The following ARFGEF3 variants were observed in gnomAD, a reference collection of about 807,000 sequenced individuals.
The protein encoded by ARFGEF3 is ARFGEF family member 3.
A neutral mutation model predicts 221.7 loss-of-function variants in ARFGEF3; 96 were observed. The ratio of observed to expected loss-of-function variants is 0.43; its 90% CI spans 0.37 to 0.51. The LOEUF (loss-of-function observed/expected upper bound fraction) is 0.51. Ranked by LOEUF, ARFGEF3 falls within the 20% of genes least tolerant of loss-of-function variation. The pLI, the probability that ARFGEF3 is intolerant of heterozygous loss-of-function variation, is 0.00. For synonymous variants in ARFGEF3, 1,145 were observed against 1,126.8 expected (o/e 1.02, Z -0.32); for missense variants, 2,410 against 2,789.9 (o/e 0.86, Z 3.07).
chr6:138,168,760 G>A (rs1393430472), intron 1 of ARFGEF3, among the ~76,000 whole-genome samples: 1 of 152,128 alleles, frequency 6.6e-6, no homozygotes, highest in Non-Finnish European at 1.5e-5. Flanking sequence ...AATCATTTGT[G>A]GTCTCATTAC....
rs893483607 is a variant in ARFGEF3, at chr6:138,177,477, C to T, written c.137+6764C>T. Among the ~76,000 whole-genome samples, 3 of 152,184 alleles carry T rather than the reference C, an allele frequency of 2.0e-5. No homozygotes were observed. In the South Asian group the frequency reaches 6.2e-4, roughly 32 times the overall value. On this transcript the variant is annotated intron_variant, in intron 2 of 33. Transcript: ENST00000251691. ...CTGCAGTGAAGTCCTTTTTGCAATG[C>T]ATTTTTCTGGGAATTGCTGGGCCTC...
intron 31 of ARFGEF3, among the ~76,000 whole-genome samples, 159 bp from the exon 32 acceptor site, chr6:138,327,862 C>T (rs2114690056): frequency 6.6e-6 from 1 of 152,252 alleles, no homozygotes; most frequent in Non-Finnish European, 1.5e-5. Context: ...ATGTAATACA[C>T]ACATATCAAT....
intron 12 of ARFGEF3, among the ~76,000 whole-genome samples, chr6:138,264,218 C>G (rs1488689302): frequency 2.0e-5 from 3 of 152,026 alleles, no homozygotes; most frequent in Admixed American, 2.0e-4. Flanking sequence ...GAAAATAATG[C>G]TGGTATTATT....
intron 4 of ARFGEF3, among the ~76,000 whole-genome samples, chr6:138,226,968 G>A (rs1778095822): frequency 6.6e-6 from 1 of 152,074 alleles, no homozygotes; most frequent in Admixed American, 6.5e-5. Flanking sequence ...CAAACTGCAT[G>A]AGCTTAAGGA....
intron 4 of ARFGEF3, among the ~76,000 whole-genome samples, chr6:138,219,639 G>C (rs527789467): frequency 3.3e-5 from 5 of 152,300 alleles, no homozygotes; most frequent in Middle Eastern, 6.8e-3. Context: ...CATGGGCAGT[G>C]AGTAGGTAGG....
intron 4 of ARFGEF3, among the ~76,000 whole-genome samples, chr6:138,228,172 A>AT (rs549915422): frequency 0.44 from 46,799 of 106,240 alleles, 12,146 homozygotes; most frequent in Non-Finnish European, 0.54. Flanking sequence ...CACTGAGACA[A>AT]TTTTTTTTTT....
intron 12 of ARFGEF3, among the ~76,000 whole-genome samples, chr6:138,264,196 C>A (rs1364096951): frequency 6.6e-6 from 1 of 151,842 alleles, no homozygotes; most frequent in Admixed American, 6.6e-5. Flanking sequence ...GAATAGTGGG[C>A]AAATCACATC....
intron 8 of ARFGEF3, among the ~76,000 whole-genome samples, chr6:138,249,651 T>C (rs1003117611): frequency 4.6e-5 from 7 of 152,208 alleles, no homozygotes; most frequent in Non-Finnish European, 1.0e-4. Context: ...GAGAAAAGAA[T>C]TCATGTGCAT....
At chr6:138,251,116 G>A (rs1778574890) in intron 8 of ARFGEF3, among the ~76,000 whole-genome samples, 1 of 152,138 alleles carries the variant, frequency 6.6e-6, no homozygotes, top group South Asian at 2.1e-4. Flanking sequence ...AGACTCTCAG[G>A]CCAGTTACCT....
At chr6:138,181,891 T>C (rs1777085071) in intron 2 of ARFGEF3, among the ~76,000 whole-genome samples, 1 of 152,242 alleles carries the variant, frequency 6.6e-6, no homozygotes, top group Non-Finnish European at 1.5e-5. Flanking sequence ...AAATTGTTTA[T>C]ATTGATGGAT....
chr6:138,242,849 C>T lies in ARFGEF3; in HGVS notation c.544-103C>T, dbSNP rs1778418512. The T allele has an allele frequency of 3.2e-6, 3 of 929,154 alleles. No homozygotes were observed. The Admixed American group carries it at 6.1e-5, about 19-fold the overall frequency. 57.6% of individuals were successfully genotyped at this position (929,154 alleles called of 1,614,324 possible). A position where few individuals can be genotyped will look rare whatever the true frequency, so the allele number is the denominator to read the frequency against. ...TCAGGCAAGGTAGCCGAGCCCAGGG[C>T]ACCCCGGAAGCCATTTTGTTTCCTA... On this transcript the variant is annotated intron_variant, in intron 6 of 33. Transcript: ENST00000251691.
intron 12 of ARFGEF3, among the ~76,000 whole-genome samples, chr6:138,264,892 AT>A (rs992822485): frequency 0.016 from 2,406 of 146,930 alleles, 71 homozygotes; most frequent in African/African-American, 0.058. Context: ...GAAGGAACAA[AT>A]TTTTTTTTCC....
intron 22 of ARFGEF3, 24 bp downstream of exon 22, chr6:138,298,809 G>A (rs752665996): frequency 8.2e-6 from 13 of 1,589,512 alleles, no homozygotes; most frequent in East Asian, 6.7e-5. Context: ...GGTCATCAGC[G>A]TCATAGCTGG....
At chr6:138,316,099 T>C (rs113144520) in intron 26 of ARFGEF3, among the ~76,000 whole-genome samples, 38 of 152,320 alleles carry the variant, frequency 2.5e-4, no homozygotes, top group African/African-American at 8.7e-4. Flanking sequence ...CGGTTGGGTA[T>C]GTAACGTCGA....
intron 12 of ARFGEF3, among the ~76,000 whole-genome samples, chr6:138,267,055 C>T (rs1430614307): frequency 6.6e-6 from 1 of 152,144 alleles, no homozygotes; most frequent in Non-Finnish European, 1.5e-5. Flanking sequence ...GCCCAGCAAA[C>T]ATTGTTAGTC....
At chr6:138,278,378 G>C (rs943283182) in intron 12 of ARFGEF3, 73 bp from the exon 13 acceptor site, 16 of 1,399,186 alleles carry the variant, frequency 1.1e-5, no homozygotes, top group African/African-American at 1.4e-5. Flanking sequence ...CGATGGGTTC[G>C]CAGCTCTCTG....
rs765548132 is a variant in ARFGEF3, at chr6:138,263,487, G to A, written c.2004G>A (p.Ala668=). The A allele has an allele frequency of 2.9e-5, 46 of 1,613,678 alleles. 1 individual carries two copies. The Admixed American group carries it at 3.3e-4, about 12-fold the overall frequency. Residue 668 remains alanine (A), a synonymous_variant, in exon 12 of 34, where the codon GCG becomes GCA. Transcript: ENST00000251691. Reference sequence around the variant, plus strand: ...TAAAACTGCTGAAGAACCAGGAGGCGGATCAGCACAGCGCCAGGCTGTTCA... The same window carrying A: ...TAAAACTGCTGAAGAACCAGGAGGCAGATCAGCACAGCGCCAGGCTGTTCA... ...LSLKLLKNQE[A]DQHSARLFIQ...
intron 2 of ARFGEF3, among the ~76,000 whole-genome samples, chr6:138,203,844 T>C (rs999937875): frequency 4.0e-5 from 6 of 150,850 alleles, no homozygotes; most frequent in African/African-American, 1.5e-4. Context: ...GGTTTCACCA[T>C]GTTGGCTAGG....
intron 4 of ARFGEF3, 91 bp downstream of exon 4, chr6:138,210,132 T>C: frequency 7.6e-7 from 1 of 1,319,392 alleles, no homozygotes; most frequent in Non-Finnish European, 1.1e-6. Context: ...CTCTGCGTTG[T>C]GGTCATGCTA....
Sources: allele counts gnomAD v4.1 joint callset (sites outside exome capture counted in the v4.1 genomes callset), GRCh38; gene constraint gnomAD v4.1.1; transcripts MANE v1.5; gene names NCBI Gene and HGNC (gene_info 2026-07-23, HGNC 2026-07-21).